RBL2: variants seen among roughly 807,000 people sequenced by gnomAD.
The protein encoded by RBL2 is RB transcriptional corepressor like 2.
In RBL2, 56 loss-of-function variants were observed where a neutral mutation model predicts 126.0. That is an observed-to-expected ratio of 0.44 (90% CI 0.36 to 0.56). The LOEUF is 0.56. Among genes scored for constraint, RBL2 ranks in the 20% least tolerant of loss-of-function variants. RBL2 has a pLI of 0.00. For synonymous variants in RBL2, 454 were observed against 478.5 expected, an observed-to-expected ratio of 0.95 and a Z score of 0.67; for missense variants, 1,229 against 1,398.2, an observed-to-expected ratio of 0.88 and a Z score of 1.93.
chr16:53,451,126 C>T (rs2058110778), intron 4 of RBL2, among the ~76,000 whole-genome samples: 1 of 152,052 alleles, frequency 6.6e-6, no homozygotes, highest in Non-Finnish European at 1.5e-5. Flanking sequence ...AAGTTTTATT[C>T]AGCTACTAGG....
intron 3 of RBL2, among the ~76,000 whole-genome samples, chr16:53,446,199 G>A (rs2058060608): frequency 6.6e-6 from 1 of 152,132 alleles, no homozygotes. Flanking sequence ...AGTTTATCAT[G>A]CGCCTATGGT....
At chr16:53,467,683 C>T (rs189642128) in intron 14 of RBL2, among the ~76,000 whole-genome samples, 463 of 152,248 alleles carry the variant, frequency 3.0e-3, no homozygotes, top group Non-Finnish European at 4.8e-3. Context: ...GCACCGTGCC[C>T]GGCTGACTGC....
At position 53,485,652 on chromosome 16, in the gene RBL2, C is replaced by T. The variant is rs148195787; in HGVS notation, c.3249+3817C>T. ...GGTGGACTGCCTGAGCTCAGGAGTT[C>T]GAGACCAGCCTGGTAACGTGGCAAG... On this transcript the variant is annotated intron_variant, in intron 21 of 21. Coordinates refer to ENST00000262133, the MANE Select transcript of RBL2 (RefSeq NM_005611.4). 7.6e-3 allele frequency among the ~76,000 whole-genome samples: 1,152 copies of T among 150,814 alleles called. 21 individuals carry two copies. Among genetic ancestry groups the T allele is most frequent in the African/African-American group, 0.027 (1,103 of 41,040 alleles).
intron 2 of RBL2, among the ~76,000 whole-genome samples, chr16:53,441,919 T>A (rs2058020258): frequency 6.6e-6 from 1 of 151,870 alleles, no homozygotes; most frequent in Non-Finnish European, 1.5e-5. Context: ...CTCCCAGGTT[T>A]AAGTGATTTT....
chr16:53,447,074 A>G lies in RBL2; in HGVS notation c.605A>G (p.His202Arg), dbSNP rs751188351. ...RQPCTVSEIF[H>R]FCWVLFIYAK... ...CCCTGTACTGTGTCTGAAATTTTCC[A>G]TTTTTGTTGGGTGCTTTTTATATAT... Residue 202 changes from histidine to arginine, a missense_variant, in exon 4 of 22, where the codon CAT becomes CGT. His to Arg is a conservative substitution (Grantham distance 29). Around this residue, in one of 2 missense-constraint regions of RBL2, gnomAD observed 1,070 missense variants for 1,274.3 expected, o/e 0.84. Coordinates refer to ENST00000262133, the MANE Select transcript of RBL2 (RefSeq NM_005611.4). The G allele has an allele frequency of 3.8e-6, 6 of 1,590,476 alleles. No individual in the cohort carries two copies. The highest frequency in any genetic ancestry group is 2.3e-5 in the South Asian group (2 of 87,292).
At chr16:53,481,104 A>G (rs770614990) in intron 20 of RBL2, 17 of 202,404 alleles carry the variant, frequency 8.4e-5, no homozygotes, top group African/African-American at 1.6e-4. Flanking sequence ...GGTTGCAGTG[A>G]CCTGAGATTG....
rs140105334 is a variant in RBL2 at position 53,453,498 on chromosome 16, C to A, written c.813C>A (p.Asp271Glu). Residue 271 changes from aspartate to glutamate, a missense_variant, in exon 6 of 22, where the codon GAC becomes GAA. Physicochemically the swap from Asp to Glu is conservative, Grantham distance 45 (BLOSUM62 2). Transcript: ENST00000262133. Reference protein sequence around the residue: ...FHAKDSKPSSDPPCIIEKLCS... With the variant: ...FHAKDSKPSSEPPCIIEKLCS... ...CTAAAGATTCTAAACCTTCCTCTGA[C>A]CCCCCTTGTATCATTGAGAAACTGT... is the stretch of plus-strand genomic sequence containing the variant. 7 of 1,612,892 alleles carry A rather than the reference C, an allele frequency of 4.3e-6. No individual in the cohort carries two copies. The African/African-American group carries it at 6.7e-5, about 15-fold the overall frequency.
rs1297933233 is a variant in RBL2 at position 53,465,595 on chromosome 16, G to A, written c.1856G>A (p.Cys619Tyr). ...GACAATGAAAACAGAGTTCCTACATGTGAAGAGGTTTGTGAAAATAACATC... is the reference window on the plus strand; with the variant it reads ...GACAATGAAAACAGAGTTCCTACATATGAAGAGGTTTGTGAAAATAACATC... ...IRDNENRVPTCEEVMPPQNLE... is the reference protein window; with the variant it reads ...IRDNENRVPTYEEVMPPQNLE... The change falls in exon 13 of 22, where the codon TGT becomes TAT. Residue 619 changes from cysteine (C) to tyrosine (Y), a missense_variant. Around this residue, in one of 2 missense-constraint regions of RBL2, gnomAD observed 1,070 missense variants for 1,274.3 expected, o/e 0.84. Transcript: ENST00000262133. 1.9e-6 allele frequency: 3 copies of A among 1,573,262 alleles called. No homozygotes were observed. The South Asian group carries it at 3.6e-5, about 19-fold the overall frequency.
At chr16:53,477,431 G>A (rs139218189) in intron 17 of RBL2, among the ~76,000 whole-genome samples, 77 of 152,160 alleles carry the variant, frequency 5.1e-4, no homozygotes, top group Middle Eastern at 6.8e-3. Context: ...TCTGCCTCCC[G>A]GGCTCAAATG....
intron 21 of RBL2, among the ~76,000 whole-genome samples, chr16:53,484,743 A>T (rs779813379): frequency 6.6e-6 from 1 of 152,052 alleles, no homozygotes; most frequent in Non-Finnish European, 1.5e-5. Flanking sequence ...TCAAAAATAG[A>T]ATGTAGTGAT....
chr16:53,470,570 C>T lies in RBL2; in HGVS notation c.2433C>T (p.Ser811=). ...GTCAAGTGGCCATTCAACAGATTTC[C>T]CCAGGTGGCCAACAGCAGAAGCAAG... The part of the protein sequence containing the change: ...VPGQVAIQQI[S]PGGQQQKQGQ... The change falls in exon 16 of 22, where the codon TCC becomes TCT. Residue 811 remains serine, a synonymous_variant. Coordinates refer to ENST00000262133, the MANE Select transcript of RBL2 (RefSeq NM_005611.4). 6.2e-7 allele frequency: 1 copy of T among 1,614,162 alleles called. No homozygotes were observed. The highest frequency in any genetic ancestry group is 8.5e-7 in the Non-Finnish European group (1 of 1,180,040).
At chr16:53,482,209 G>A (rs756695199) in intron 21 of RBL2, among the ~76,000 whole-genome samples, 2 of 152,196 alleles carry the variant, frequency 1.3e-5, no homozygotes, top group Non-Finnish European at 2.9e-5. Context: ...AGTGTCCTCA[G>A]GACTCTGGCT....
At chr16:53,451,913 A>C in intron 5 of RBL2, 82 bp downstream of exon 5, 4 of 1,500,620 alleles carry the variant, frequency 2.7e-6, no homozygotes, top group Non-Finnish European at 3.7e-6. Flanking sequence ...GTTTCCTAGC[A>C]TCAGTATTTT....
chr16:53,470,471 G>T lies in RBL2; in HGVS notation c.2334G>T (p.Gln778His), dbSNP rs1243825943. 6.2e-7 allele frequency: 1 copy of T among 1,614,016 alleles called. No homozygotes were observed. Among genetic ancestry groups the T allele is most frequent in the African/African-American group, 1.3e-5 (1 of 74,898 alleles). The change falls in exon 16 of 22, where the codon CAG becomes CAT. Residue 778 changes from glutamine to histidine, a missense_variant. Transcript: ENST00000262133. ...GQAQAVTGSIQPLSAQALAGS... is the reference protein window; with the variant it reads ...GQAQAVTGSIHPLSAQALAGS... ...CACAAGCTGTGACAGGCTCCATCCA[G>T]CCCCTCAGTGCTCAGGCCCTGGCTG...
At chr16:53,476,169 C>T (rs181381109) in intron 17 of RBL2, among the ~76,000 whole-genome samples, 26 of 152,232 alleles carry the variant, frequency 1.7e-4, no homozygotes, top group African/African-American at 6.0e-4. Flanking sequence ...AATTTTCCTC[C>T]GTGCACTGCT....
chr16:53,483,926 T>TAAAAAAAAA (rs77395902), intron 21 of RBL2, among the ~76,000 whole-genome samples: 2 of 131,008 alleles, frequency 1.5e-5, no homozygotes, highest in African/African-American at 3.0e-5. Context: ...CCTATCATAG[T>TAAAAAAAAA]AAAAAAAAAA....
intron 14 of RBL2, among the ~76,000 whole-genome samples, chr16:53,469,695 A>C (rs1216016053): frequency 6.6e-6 from 1 of 152,222 alleles, no homozygotes; most frequent in Non-Finnish European, 1.5e-5. Flanking sequence ...TGCAAGACAA[A>C]AAATTCCGTT....
chr16:53,491,569 T>C lies in RBL2; in HGVS notation c.*1269T>C, dbSNP rs146888073. On this transcript the variant is annotated 3_prime_UTR_variant, in exon 22 of 22. Transcript: ENST00000262133. ...ATTAGAATAGTGTTCTGCAAAAATA[T>C]TTATAAAACTTCTCAAGATACTGCT... 6.5e-6 allele frequency: 1 copy of C among 152,710 alleles called. No individual in the cohort carries two copies. The highest frequency in any genetic ancestry group is 1.5e-5 in the Non-Finnish European group (1 of 68,016). 9.5% of individuals were successfully genotyped at this position (152,710 alleles called of 1,614,324 possible).
At chr16:53,485,833 G>A (rs910974490) in intron 21 of RBL2, among the ~76,000 whole-genome samples, 2 of 151,584 alleles carry the variant, frequency 1.3e-5, no homozygotes, top group Admixed American at 1.3e-4. Flanking sequence ...TCCAGCCTGA[G>A]TGACAGAATG....
Sources: allele counts gnomAD v4.1 joint callset (sites outside exome capture counted in the v4.1 genomes callset), GRCh38; gene constraint gnomAD v4.1.1; regional missense constraint gnomAD v4.1.1; transcripts MANE v1.5; gene names NCBI Gene and HGNC (gene_info 2026-07-23, HGNC 2026-07-21).